CDH12: variants seen among roughly 807,000 people sequenced by gnomAD.
CDH12 encodes cadherin 12, also known as cadherin-12.
In CDH12, 41 loss-of-function variants were observed where a neutral mutation model predicts 74.1. The observed-to-expected ratio is 0.55, with a 90% confidence interval of 0.43 to 0.72. CDH12 has a LOEUF of 0.72. CDH12 is among the 30% of genes least tolerant of loss of function. CDH12 has a pLI of 0.00. For missense variants in CDH12, 945 were observed against 977.2 expected (o/e 0.97, Z 0.44); for synonymous variants, 399 against 355.0 (o/e 1.12, Z -1.39).
chr5:22,299,615 T>C (rs753514024), intron 3 of CDH12, among the ~76,000 whole-genome samples: 13 of 152,296 alleles, frequency 8.5e-5, no homozygotes, highest in Non-Finnish European at 1.5e-4. Flanking sequence ...CTCTTTGGTC[T>C]TAGCTTTCTA....
At position 22,561,393 on chromosome 5, in the gene CDH12, T is replaced by C. The variant is rs530162719; in HGVS notation, c.-522-56029A>G. Among the ~76,000 whole-genome samples, 95 of 152,252 alleles carry C rather than the reference T, an allele frequency of 6.2e-4. No individual in the cohort carries two copies. The South Asian group carries it at 0.018, about 30-fold the overall frequency. ...AGTGGTGAATATTCTAACCTAACAA[T>C]TGATTATAATTCATTATAATTTAAT... On this transcript the variant is annotated intron_variant, in intron 1 of 14. Transcript: ENST00000382254.
chr5:21,948,296 T>C lies in CDH12; in HGVS notation c.526+26795A>G, dbSNP rs573794893. Among the ~76,000 whole-genome samples, 291 of 152,282 alleles carry C rather than the reference T, an allele frequency of 1.9e-3. 1 individual carries two copies. The highest frequency in any genetic ancestry group is 6.6e-3 in the African/African-American group (276 of 41,576). On this transcript the variant is annotated intron_variant, in intron 6 of 14. Transcript: ENST00000382254. ...ACCTGGAAAAGCCACAGACACTCAA[T>C]GCCAGCCTGTGAAGGAACTGCCCAA...
At chr5:22,579,153 ATACTACT>A (rs1739950461) in intron 1 of CDH12, among the ~76,000 whole-genome samples, 1 of 152,188 alleles carries the variant, frequency 6.6e-6, no homozygotes, top group Admixed American at 6.5e-5. Flanking sequence ...AACTCTCTGT[ATACTACT>A]TATAGATATG....
At chr5:21,886,137 A>T (rs531336461) in intron 6 of CDH12, among the ~76,000 whole-genome samples, 1 of 152,284 alleles carries the variant, frequency 6.6e-6, no homozygotes, top group Admixed American at 6.5e-5. Flanking sequence ...TGGAAGTCTA[A>T]TGCCACTTTG....
At chr5:22,743,458 A>C (rs1030141270) in intron 1 of CDH12, among the ~76,000 whole-genome samples, 9 of 151,984 alleles carry the variant, frequency 5.9e-5, no homozygotes, top group African/African-American at 1.9e-4. Context: ...GATGACATGG[A>C]AATGGTCAAA....
rs115303640 is a variant in CDH12 at position 22,087,873 on chromosome 5, C to T, written c.-186-9011G>A. ...ACAGGGATAGATTTAAGAAAGTTTC[C>T]AGAAAGCCACCCACTGGGGATTGAT... On this transcript the variant is annotated intron_variant, in intron 4 of 14. Transcript: ENST00000382254. 6.0e-3 allele frequency among the ~76,000 whole-genome samples: 916 copies of T among 152,198 alleles called. 9 individuals carry two copies. Among genetic ancestry groups the T allele is most frequent in the African/African-American group, 0.021 (875 of 41,538 alleles).
At chr5:21,844,031 C>G (rs1750021943) in intron 7 of CDH12, among the ~76,000 whole-genome samples, 1 of 152,250 alleles carries the variant, frequency 6.6e-6, no homozygotes, top group Admixed American at 6.5e-5. Context: ...CACTATCCAA[C>G]AGTCTATTTC....
chr5:22,315,612 G>A (rs370871023), intron 3 of CDH12, among the ~76,000 whole-genome samples: 2 of 152,104 alleles, frequency 1.3e-5, no homozygotes, highest in Non-Finnish European at 2.9e-5. Context: ...GTCTAGAAAA[G>A]ACATATGTAT....
At chr5:22,816,645 G>A (rs1268140045) in intron 1 of CDH12, among the ~76,000 whole-genome samples, 1 of 152,084 alleles carries the variant, frequency 6.6e-6, no homozygotes, top group Non-Finnish European at 1.5e-5. Context: ...ACCACTTTTA[G>A]CATTGATTAG....
chr5:22,285,583 G>C (rs1737098357), intron 3 of CDH12, among the ~76,000 whole-genome samples: 1 of 151,994 alleles, frequency 6.6e-6, no homozygotes, highest in African/African-American at 2.4e-5. Context: ...ACACTCAGGT[G>C]GTATCCACTA....
At chr5:22,180,073 C>T (rs191305065) in intron 4 of CDH12, among the ~76,000 whole-genome samples, 2 of 152,258 alleles carry the variant, frequency 1.3e-5, no homozygotes, top group African/African-American at 4.8e-5. Flanking sequence ...ATTAATTTCC[C>T]TCATTTATGA....
chr5:22,581,880 T>C (rs908183923), intron 1 of CDH12, among the ~76,000 whole-genome samples: 3 of 152,176 alleles, frequency 2.0e-5, no homozygotes, highest in Non-Finnish European at 2.9e-5. Flanking sequence ...AATTACAGCC[T>C]GAAAACATTT....
chr5:22,206,679 C>CAAAAAAAA (rs71609754), intron 4 of CDH12, among the ~76,000 whole-genome samples: 17 of 55,270 alleles, frequency 3.1e-4, no homozygotes, highest in East Asian at 7.0e-4. Flanking sequence ...GATTCCACTG[C>CAAAAAAAA]AAAAAAAAAA....
intron 3 of CDH12, among the ~76,000 whole-genome samples, chr5:22,215,469 T>A (rs1751769901): frequency 6.6e-6 from 1 of 152,140 alleles, no homozygotes; most frequent in Admixed American, 6.6e-5. Context: ...GGCTAAAAAA[T>A]AGATTCCATC....
At chr5:22,165,424 A>G (rs543302650) in intron 4 of CDH12, among the ~76,000 whole-genome samples, 15 of 152,196 alleles carry the variant, frequency 9.9e-5, no homozygotes, top group African/African-American at 2.7e-4. Flanking sequence ...TACTTTTTCA[A>G]TGGATGAATG....
chr5:22,048,190 A>G (rs1404117617), intron 5 of CDH12, among the ~76,000 whole-genome samples: 2 of 152,156 alleles, frequency 1.3e-5, no homozygotes, highest in African/African-American at 2.4e-5. Context: ...GACTGTGAGG[A>G]TGAAAATGGA....
chr5:22,799,765 G>A (rs546785772), intron 1 of CDH12, among the ~76,000 whole-genome samples: 12 of 152,082 alleles, frequency 7.9e-5, no homozygotes, highest in Admixed American at 6.6e-4. Context: ...AAATATACAC[G>A]TATACCTACA....
chr5:22,401,416 A>T (rs1375115429), intron 3 of CDH12, among the ~76,000 whole-genome samples: 2 of 152,150 alleles, frequency 1.3e-5, no homozygotes, highest in African/African-American at 2.4e-5. Context: ...TTTAGCATTT[A>T]TGTTTTATAC....
chr5:21,794,844 GTT>G (rs368375613), intron 10 of CDH12, among the ~76,000 whole-genome samples: 1 of 149,778 alleles, frequency 6.7e-6, no homozygotes, highest in African/African-American at 2.4e-5. Flanking sequence ...ACTTTAAAAT[GTT>G]TTTTTTTATG....
Sources: allele counts gnomAD v4.1 joint callset (sites outside exome capture counted in the v4.1 genomes callset), GRCh38; gene constraint gnomAD v4.1.1; transcripts MANE v1.5; gene names NCBI Gene and HGNC (gene_info 2026-07-23, HGNC 2026-07-21).